The following PCDHGC3 variants were observed in gnomAD, a reference collection of about 807,000 sequenced individuals.
The protein encoded by PCDHGC3 is protocadherin gamma-C3.
PCDHGC3 carries 26 observed loss-of-function variants against 59.2 expected under a neutral mutation model. That is an observed-to-expected ratio of 0.44 (90% CI 0.32 to 0.61). The LOEUF (loss-of-function observed/expected upper bound fraction) is 0.61, where lower values mean the gene tolerates loss of function less well. Among genes scored for constraint, PCDHGC3 ranks in the 20% least tolerant of loss-of-function variants. PCDHGC3 has a pLI of 0.05. For missense variants in PCDHGC3, 1,080 were observed against 1,221.8 expected (o/e 0.88, Z 1.73); for synonymous variants, 487 against 519.7 (o/e 0.94, Z 0.86).
Position 141,485,575 on chromosome 5 carries a change from G to C in PCDHGC3, c.2430+7029G>C, listed in dbSNP as rs1200831125. On this transcript the variant is annotated intron_variant, in intron 1 of 3. Coordinates refer to ENST00000308177, the MANE Select transcript of PCDHGC3 (RefSeq NM_002588.4). This position sits in a 1 kb window ranked among gnomAD's most constrained non-coding sequence, Gnocchi z 5.7. ...TGAATGATCACGCCCCCCGTTTTCC[G>C]CGGCAGCAGCTGGACTTGGAAATTG... 2 of 1,612,496 alleles carry C rather than the reference G, an allele frequency of 1.2e-6. No homozygotes were observed. The highest frequency in any genetic ancestry group is 2.7e-5 in the African/African-American group (2 of 74,918).
At chr5:141,481,913 C>CAA (rs34114744) in intron 1 of PCDHGC3, among the ~76,000 whole-genome samples, 26 of 90,736 alleles carry the variant, frequency 2.9e-4, no homozygotes, top group Non-Finnish European at 3.5e-4. Context: ...AACTCCATCT[C>CAA]AAAAAAAAAA....
intron 2 of PCDHGC3, among the ~76,000 whole-genome samples, chr5:141,502,725 G>A (rs1020846462): frequency 2.0e-5 from 3 of 152,150 alleles, no homozygotes; most frequent in Non-Finnish European, 4.4e-5. Context: ...ATTACAAAGC[G>A]GTGATGTTCT....
rs775132338 is a variant in PCDHGC3 at position 141,490,858 on chromosome 5, G to A, written c.2431-3949G>A. On this transcript the variant is annotated intron_variant, in intron 1 of 3. Coordinates refer to ENST00000308177, the MANE Select transcript of PCDHGC3 (RefSeq NM_002588.4). This position sits in a 1 kb window ranked among gnomAD's most constrained non-coding sequence, Gnocchi z 5.4. Reference sequence around the variant, plus strand: ...GATTGTGGTGGGGGTTCGAGACTCCGGCTCTCCCCCATTGCATGCCAACAC... The same window carrying A: ...GATTGTGGTGGGGGTTCGAGACTCCAGCTCTCCCCCATTGCATGCCAACAC... 14 of 1,613,704 alleles carry A rather than the reference G, an allele frequency of 8.7e-6. No homozygotes were observed. Among genetic ancestry groups the A allele is most frequent in the South Asian group, 2.2e-5 (2 of 91,068 alleles).
chr5:141,476,952 T>A lies in PCDHGC3; in HGVS notation c.836T>A (p.Ile279Asn), dbSNP rs1463851594. Residue 279 changes from isoleucine to asparagine, a missense_variant, in exon 1 of 4, where the codon ATT (isoleucine) becomes AAT (asparagine). Ile to Asn is a moderately radical substitution (Grantham distance 149). Transcript: ENST00000308177. This position sits in a 1 kb window ranked among gnomAD's most constrained non-coding sequence, Gnocchi z 7.6. ...CTGGATGAAGGCCCCAACGGTGAAA[T>A]TATTTACTCCTTCGGCAGCCACAAC... ...TDLDEGPNGE[I>N]IYSFGSHNRA... 1 of 1,614,052 alleles carries A rather than the reference T, an allele frequency of 6.2e-7. No individual in the cohort carries two copies. Among genetic ancestry groups the A allele is most frequent in the Non-Finnish European group, 8.5e-7 (1 of 1,180,038 alleles).
At chr5:141,501,983 C>T (rs957901405) in intron 2 of PCDHGC3, among the ~76,000 whole-genome samples, 1 of 152,068 alleles carries the variant, frequency 6.6e-6, no homozygotes, top group Non-Finnish European at 1.5e-5. Context: ...CATCTGGTCC[C>T]GTTGTCTCCC....
chr5:141,488,634 G>A (rs937680420), intron 1 of PCDHGC3, among the ~76,000 whole-genome samples: 4 of 152,150 alleles, frequency 2.6e-5, no homozygotes, highest in Non-Finnish European at 4.4e-5. Context: ...CACCTTAGCA[G>A]CATTCAGCAG....
At position 141,490,979 on chromosome 5, in the gene PCDHGC3, C is replaced by T. The variant is rs1217345302; in HGVS notation, c.2431-3828C>T. 6.2e-7 allele frequency: 1 copy of T among 1,614,086 alleles called. No individual in the cohort carries two copies. The highest frequency in any genetic ancestry group is 8.5e-7 in the Non-Finnish European group (1 of 1,180,014). ...GAACACTCAGCCCCCCAGCGTCTCC[C>T]TCGCTCTGCTCCTCCTGGCTCCTTG... On this transcript the variant is annotated intron_variant, in intron 1 of 3. Transcript: ENST00000308177. This position sits in a 1 kb window ranked among gnomAD's most constrained non-coding sequence, Gnocchi z 5.4.
At position 141,490,516 on chromosome 5, in the gene PCDHGC3, G is replaced by T. The variant is rs768123119; in HGVS notation, c.2431-4291G>T. The T allele has an allele frequency of 6.2e-7, 1 of 1,613,828 alleles. No individual in the cohort carries two copies. The highest frequency in any genetic ancestry group is 2.2e-5 in the East Asian group (1 of 44,864). On this transcript the variant is annotated intron_variant, in intron 1 of 3. Transcript: ENST00000308177. This position sits in a 1 kb window ranked among gnomAD's most constrained non-coding sequence, Gnocchi z 5.4. ...ATCCCACTATATCATCGAGCTGCTG[G>T]CCAGCGATGCTGGTTCACCTTCCCT... is the stretch of plus-strand genomic sequence containing the variant.
rs11343387 is a variant in PCDHGC3 at position 141,497,209 on chromosome 5, TGG to T, written c.2489+2352_2489+2353del. On this transcript the variant is annotated intron_variant, in intron 2 of 3. Transcript: ENST00000308177. ...GAGGCAGAGAACAATGTGAGTGTAATGGGGGGGGGAAGATCAGAGAAGGCTTC... is the reference window on the plus strand; with the variant it reads ...GAGGCAGAGAACAATGTGAGTGTAATGGGGGGGAAGATCAGAGAAGGCTTC... Among the ~76,000 whole-genome samples the T allele has an allele frequency of 3.8e-3, 569 of 151,352 alleles. 5 individuals are homozygous for T. Among genetic ancestry groups the T allele is most frequent in the Admixed American group, 0.011 (162 of 15,190 alleles).
chr5:141,478,956 T>C (rs2099484450), intron 1 of PCDHGC3, among the ~76,000 whole-genome samples: 1 of 152,200 alleles, frequency 6.6e-6, no homozygotes. Context: ...AACTACCTCA[T>C]TCCTCCACCT....
chr5:141,494,546 G>A (rs984336435), intron 1 of PCDHGC3, among the ~76,000 whole-genome samples: 7 of 152,152 alleles, frequency 4.6e-5, no homozygotes, highest in African/African-American at 1.2e-4. Context: ...GGAGGAAGGG[G>A]CCATTTCTTT....
At chr5:141,499,908 G>T (rs903753761) in intron 2 of PCDHGC3, among the ~76,000 whole-genome samples, 1 of 151,980 alleles carries the variant, frequency 6.6e-6, no homozygotes, top group African/African-American at 2.4e-5. Flanking sequence ...GGCTGGTCTT[G>T]AACTCCTGGC....
chr5:141,487,689 A>G lies in PCDHGC3; in HGVS notation c.2431-7118A>G. 6.2e-7 allele frequency: 1 copy of G among 1,605,144 alleles called. No homozygotes were observed. The highest frequency in any genetic ancestry group is 1.7e-4 in the Middle Eastern group (1 of 6,050). ...GGCATATGGCTAGGCCATGTCCTAG[A>G]GAGTACTGGCCTCTCAGTAAGTGCC... On this transcript the variant is annotated intron_variant, in intron 1 of 3. Coordinates refer to ENST00000308177, the MANE Select transcript of PCDHGC3 (RefSeq NM_002588.4). This position sits in a 1 kb window ranked among gnomAD's most constrained non-coding sequence, Gnocchi z 5.0.
intron 2 of PCDHGC3, among the ~76,000 whole-genome samples, chr5:141,503,324 C>T (rs1389385473): frequency 7.9e-5 from 12 of 152,014 alleles, no homozygotes; most frequent in South Asian, 2.1e-4. Context: ...TGGAGGGGCG[C>T]GGTGGCTCAC....
Position 141,476,209 on chromosome 5 carries a change from G to T in PCDHGC3, c.93G>T (p.Thr31=), listed in dbSNP as rs749576231. The change falls in exon 1 of 4, where the codon ACG becomes ACT. Residue 31 remains threonine (T), a synonymous_variant. Coordinates refer to ENST00000308177, the MANE Select transcript of PCDHGC3 (RefSeq NM_002588.4). The surrounding 1 kb of genome is among the most constrained non-coding windows in gnomAD (Gnocchi z 7.6). The part of the protein sequence containing the change: ...LLLGALNKAS[T]VIHYEIPEER... ...TTGGTGCCTTGAACAAGGCTTCCAC[G>T]GTCATTCACTATGAGATCCCGGAGG... The T allele has an allele frequency of 6.2e-6, 10 of 1,613,974 alleles. No individual in the cohort carries two copies. Among genetic ancestry groups the T allele is most frequent in the Non-Finnish European group, 8.5e-6 (10 of 1,180,026 alleles).
At position 141,486,364 on chromosome 5, in the gene PCDHGC3, C is replaced by T; in HGVS notation, c.2430+7818C>T. 1 of 1,614,068 alleles carries T rather than the reference C, an allele frequency of 6.2e-7. No homozygotes were observed. The highest frequency in any genetic ancestry group is 1.1e-5 in the South Asian group (1 of 91,074). On this transcript the variant is annotated intron_variant, in intron 1 of 3. Transcript: ENST00000308177. The surrounding 1 kb of genome is among the most constrained non-coding windows in gnomAD (Gnocchi z 5.0). ...TTCCTGACCACTTGCCATTTGCCCT[C>T]AAGTCTGCCTTCAGGAACCAGTTCT...
Position 141,491,755 on chromosome 5 carries a change from G to A in PCDHGC3, c.2431-3052G>A. On this transcript the variant is annotated intron_variant, in intron 1 of 3. Transcript: ENST00000308177. This position sits in a 1 kb window ranked among gnomAD's most constrained non-coding sequence, Gnocchi z 6.9. Reference sequence around the variant, plus strand: ...CCCTGGGGGCGGCACTGGAGAAGCCGCCCGTCCTCATAAGGGATTGAACTT... The same window carrying A: ...CCCTGGGGGCGGCACTGGAGAAGCCACCCGTCCTCATAAGGGATTGAACTT... 6 of 1,582,196 alleles carry A rather than the reference G, an allele frequency of 3.8e-6. No individual in the cohort carries two copies. The highest frequency in any genetic ancestry group is 5.1e-6 in the Non-Finnish European group (6 of 1,165,450).
At chr5:141,498,964 G>A (rs1342764380) in intron 2 of PCDHGC3, among the ~76,000 whole-genome samples, 2 of 127,572 alleles carry the variant, frequency 1.6e-5, no homozygotes, top group Admixed American at 8.7e-5. Context: ...AGAGAGGGAG[G>A]GAGGGAGGGA....
chr5:141,501,947 T>A (rs2099811963), intron 2 of PCDHGC3, among the ~76,000 whole-genome samples: 1 of 152,152 alleles, frequency 6.6e-6, no homozygotes, highest in Non-Finnish European at 1.5e-5. Context: ...CTGCTCCCTG[T>A]GACAGGTCAT....
Sources: gnomAD v4.1 joint callset for allele counts (sites outside exome capture counted in the v4.1 genomes callset) on GRCh38, gnomAD v4.1.1 for gene constraint, Gnocchi (gnomAD v3.1) non-coding constraint, MANE v1.5 for transcripts, NCBI Gene and HGNC (gene_info 2026-07-23, HGNC 2026-07-21) for gene names.